Variants in SNX8 observed in about 807,000 individuals in gnomAD.
SNX8 encodes sorting nexin 8, also known as sorting nexin-8.
A neutral mutation model predicts 51.6 loss-of-function variants in SNX8; 25 were observed. That is an observed-to-expected ratio of 0.48 (90% CI 0.35 to 0.68). The LOEUF (loss-of-function observed/expected upper bound fraction) is 0.68, where lower values mean the gene tolerates loss of function less well. SNX8 is among the 30% of genes least tolerant of loss of function. SNX8 has a pLI of 0.00. For synonymous variants in SNX8, 324 were observed against 277.0 expected, an observed-to-expected ratio of 1.17 and a Z score of -1.68; for missense variants, 695 against 624.0, an observed-to-expected ratio of 1.11 and a Z score of -1.21.
At chr7:2,278,079 C>T (rs1795823659) in intron 2 of SNX8, 21 bp downstream of exon 2, 1 of 1,609,358 alleles carries the variant, frequency 6.2e-7, no homozygotes, top group Non-Finnish European at 8.5e-7. Flanking sequence ...TGCCCCGACA[C>T]ACACACAATT....
chr7:2,315,084 T>A (rs1796732374), upstream of SNX8, among the ~76,000 whole-genome samples: 1 of 150,678 alleles, frequency 6.6e-6, no homozygotes, highest in Admixed American at 6.6e-5. Flanking sequence ...ACTCACTGCA[T>A]CCTACATTCA....
intron 6 of SNX8, among the ~76,000 whole-genome samples, chr7:2,263,992 G>T (rs1795402027): frequency 6.6e-6 from 1 of 152,116 alleles, no homozygotes; most frequent in Admixed American, 6.5e-5. Flanking sequence ...GGGATTACAG[G>T]TGTGAGCCAC....
At chr7:2,325,840 T>G (rs28815321) in intron 1 of SNX8, among the ~76,000 whole-genome samples, 1 of 151,652 alleles carries the variant, frequency 6.6e-6, no homozygotes, top group Non-Finnish European at 1.5e-5. Context: ...TCAAAAAAAA[T>G]TTTTTTAAAT....
intron 1 of SNX8, among the ~76,000 whole-genome samples, chr7:2,336,950 A>G (rs1036140264): frequency 6.6e-6 from 1 of 151,926 alleles, no homozygotes; most frequent in African/African-American, 2.4e-5. Context: ...CGGAGGTTGC[A>G]GTGAGCCGAG....
At chr7:2,326,268 G>C (rs1465834991) in intron 1 of SNX8, among the ~76,000 whole-genome samples, 1 of 152,126 alleles carries the variant, frequency 6.6e-6, no homozygotes, top group Non-Finnish European at 1.5e-5. Flanking sequence ...GGGAGGCTGA[G>C]GCAAGAGGAT....
Position 2,255,011 on chromosome 7 carries a change from G to C in SNX8, c.*45C>G, listed in dbSNP as rs1389387584. 2 of 1,262,892 alleles carry C rather than the reference G, an allele frequency of 1.6e-6. No homozygotes were observed. The highest frequency in any genetic ancestry group is 2.3e-6 in the Non-Finnish European group (2 of 885,870). The allele number at this position is 1,262,892 out of a possible 1,614,324, so 78.2% of individuals were successfully genotyped here. A position where few individuals can be genotyped will look rare whatever the true frequency, so the allele number is the denominator to read the frequency against. ...TACACCGGGACACACCGTTTGGAAA[G>C]AGGTTTTAGTGCGGCCGCAGGGAGC... On this transcript the variant is annotated 3_prime_UTR_variant, in exon 11 of 11. Transcript: ENST00000222990.
chr7:2,302,829 C>T (rs1796433564), intron 1 of SNX8, among the ~76,000 whole-genome samples: 1 of 151,666 alleles, frequency 6.6e-6, no homozygotes, highest in East Asian at 2.0e-4. Flanking sequence ...CTCTGCCCGG[C>T]CGCCCCGTCT....
chr7:2,263,603 G>A (rs1027148202), intron 6 of SNX8, among the ~76,000 whole-genome samples: 1 of 152,238 alleles, frequency 6.6e-6, no homozygotes, highest in South Asian at 2.1e-4. Context: ...GGTGACATGT[G>A]TGCACAGGTG....
At chr7:2,260,961 C>G (rs1455712673) in intron 7 of SNX8, among the ~76,000 whole-genome samples, 2 of 152,210 alleles carry the variant, frequency 1.3e-5, no homozygotes, top group African/African-American at 4.8e-5. Context: ...CCTTGGAAAT[C>G]ACCTCATGAG....
chr7:2,257,299 C>A, intron 9 of SNX8, 66 bp downstream of exon 9: 1 of 1,541,632 alleles, frequency 6.5e-7, no homozygotes, highest in Admixed American at 1.8e-5. Flanking sequence ...CAGGACGGCT[C>A]CGGGTCCCAC....
chr7:2,308,818 C>G (rs991438765), intron 1 of SNX8, among the ~76,000 whole-genome samples: 3 of 113,798 alleles, frequency 2.6e-5, no homozygotes, highest in Non-Finnish European at 5.0e-5. Flanking sequence ...GAGTCTTGTT[C>G]TGTCAACCAG....
At position 2,263,394 on chromosome 7, in the gene SNX8, C is replaced by T. The variant is rs560536014; in HGVS notation, c.783-32G>A. The T allele has an allele frequency of 2.6e-6, 4 of 1,555,942 alleles. No individual in the cohort carries two copies. The East Asian group carries it at 9.5e-5, about 37-fold the overall frequency. On this transcript the variant is annotated intron_variant, in intron 6 of 10. Transcript: ENST00000222990. ...GAGCAAGCACACAGGAGAGGAGACA[C>T]TCAAGGCCTGGAGCTCACCTGGCAG...
intron 7 of SNX8, among the ~76,000 whole-genome samples, chr7:2,260,757 C>T (rs569091263): frequency 2.0e-5 from 3 of 152,296 alleles, no homozygotes; most frequent in African/African-American, 7.2e-5. Context: ...TTCACTACAA[C>T]CAAGGACAGT....
At chr7:2,316,389 GCATT>G (rs1796757855), upstream of SNX8, among the ~76,000 whole-genome samples, 3 of 135,164 alleles carry the variant, frequency 2.2e-5, no homozygotes, top group South Asian at 2.4e-4. Flanking sequence ...ACTGCATCCT[GCATT>G]CATTCACGCA....
rs200934690 is a variant in SNX8, at chr7:2,346,334, TACTGGGG to T, written c.-66+7881_-66+7887del. Among the ~76,000 whole-genome samples, 1,182 of 151,948 alleles carry T rather than the reference TACTGGGG, an allele frequency of 7.8e-3. 14 individuals are homozygous for T. The highest frequency in any genetic ancestry group is 0.027 in the African/African-American group (1,121 of 41,422). The stretch of plus-strand genomic sequence containing the variant: ...GGTGGTGCATGCCTGTAGCCCCAGC[TACTGGGG>T]AGGCCGAAACAGGAGGGTTGCTTGA... On this transcript the variant is annotated intron_variant, in intron 1 of 5. Coordinates refer to the SNX8 transcript ENST00000435336.
Position 2,351,768 on chromosome 7 carries a change from T to C in SNX8, c.-66+2454A>G, listed in dbSNP as rs541833112. On this transcript the variant is annotated intron_variant, in intron 1 of 5. Coordinates refer to the SNX8 transcript ENST00000435336. ...ATTGCTTGAACCCGGGAGGTGGAGC[T>C]TGCAGTGATCCGAGATAGCACCACT... Among the ~76,000 whole-genome samples, 6 of 145,060 alleles carry C rather than the reference T, an allele frequency of 4.1e-5. No homozygotes were observed. The South Asian group carries it at 8.8e-4, about 21-fold the overall frequency.
At chr7:2,336,463 C>T (rs1396194552) in intron 1 of SNX8, among the ~76,000 whole-genome samples, 1 of 151,840 alleles carries the variant, frequency 6.6e-6, no homozygotes, top group African/African-American at 2.4e-5. Context: ...AATCCTAGCA[C>T]TTTGGGAGGC....
chr7:2,299,647 C>G (rs78984617), intron 1 of SNX8, among the ~76,000 whole-genome samples: 202 of 152,290 alleles, frequency 1.3e-3, no homozygotes, highest in Admixed American at 2.9e-3. Context: ...CTCTGTTTAA[C>G]TAAATGCCAC....
intron 1 of SNX8, among the ~76,000 whole-genome samples, chr7:2,327,602 T>G (rs1778647061): frequency 6.6e-6 from 1 of 152,100 alleles, no homozygotes. Context: ...AGAGATGGGG[T>G]TTCACTGTGT....
Sources: allele counts gnomAD v4.1 joint callset (sites outside exome capture counted in the v4.1 genomes callset), GRCh38; gene constraint gnomAD v4.1.1; transcripts MANE v1.5; gene names NCBI Gene and HGNC (gene_info 2026-07-23, HGNC 2026-07-21).